Variants in PRTFDC1 observed in about 807,000 individuals in gnomAD.
PRTFDC1 encodes the protein phosphoribosyltransferase domain-containing protein 1.
PRTFDC1 carries 38 observed loss-of-function variants against 34.6 expected under a neutral mutation model. The ratio of observed to expected loss-of-function variants is 1.10; its 90% CI spans 0.85 to 1.44. PRTFDC1 has a LOEUF of 1.44. Among genes scored for constraint, PRTFDC1 ranks in the 40% most tolerant of loss-of-function variants. PRTFDC1 has a pLI of 0.00. For missense variants in PRTFDC1, 270 were observed against 283.0 expected (o/e 0.95, Z 0.33); for synonymous variants, 93 against 98.1 (o/e 0.95, Z 0.31).
intron 3 of PRTFDC1, among the ~76,000 whole-genome samples, chr10:24,929,191 A>G (rs1848934572): frequency 6.6e-6 from 1 of 152,128 alleles, no homozygotes; most frequent in South Asian, 2.1e-4. Flanking sequence ...TGGCTTATCC[A>G]TTCTGTTCCC....
chr10:24,878,268 AT>A, intron 3 of PRTFDC1, among the ~76,000 whole-genome samples: 1 of 147,580 alleles, frequency 6.8e-6, no homozygotes, highest in East Asian at 2.0e-4. Flanking sequence ...GCAAGACTGT[AT>A]TAAAAAAAAA....
intron 3 of PRTFDC1, among the ~76,000 whole-genome samples, chr10:24,915,305 G>C (rs1433746185): frequency 6.6e-6 from 1 of 152,106 alleles, no homozygotes; most frequent in Non-Finnish European, 1.5e-5. Flanking sequence ...CTGACATTTG[G>C]ACAGGGAAAT....
chr10:24,916,788 T>C (rs1312501013), intron 3 of PRTFDC1, among the ~76,000 whole-genome samples: 1 of 152,222 alleles, frequency 6.6e-6, no homozygotes, highest in Non-Finnish European at 1.5e-5. Context: ...ATTTCCTGTC[T>C]GTTTTACCTA....
intron 3 of PRTFDC1, among the ~76,000 whole-genome samples, chr10:24,884,229 C>T (rs1456567794): frequency 6.6e-6 from 1 of 151,296 alleles, no homozygotes; most frequent in Non-Finnish European, 1.5e-5. Context: ...TCAAAAGTAA[C>T]AACATCTTAA....
chr10:24,937,715 G>A (rs1849078018), intron 2 of PRTFDC1, among the ~76,000 whole-genome samples: 1 of 151,890 alleles, frequency 6.6e-6, no homozygotes, highest in Admixed American at 6.6e-5. Flanking sequence ...CTGCCACTAT[G>A]CTCAGCTAAT....
chr10:24,949,043 A>G (rs1849295914), intron 1 of PRTFDC1, among the ~76,000 whole-genome samples: 1 of 151,764 alleles, frequency 6.6e-6, no homozygotes, highest in South Asian at 2.1e-4. Context: ...AGCACACTAG[A>G]CCTCCCTTAC....
intron 3 of PRTFDC1, among the ~76,000 whole-genome samples, chr10:24,932,415 A>G (rs1848985924): frequency 6.6e-6 from 1 of 152,016 alleles, no homozygotes; most frequent in Non-Finnish European, 1.5e-5. Flanking sequence ...AAAAGAATCT[A>G]TGAAAAAGCT....
At chr10:24,937,031 G>C (rs1452118804) in intron 3 of PRTFDC1, among the ~76,000 whole-genome samples, 153 bp downstream of exon 3, 3 of 152,128 alleles carry the variant, frequency 2.0e-5, no homozygotes, top group Admixed American at 6.5e-5. Context: ...GAATTCTTAT[G>C]TTAGGTTGCC....
chr10:24,872,788 G>GTGTATATATATATA (rs1200742472), intron 3 of PRTFDC1, among the ~76,000 whole-genome samples: 14 of 83,214 alleles, frequency 1.7e-4, no homozygotes, highest in African/African-American at 5.8e-4. Context: ...GTGTGTGTGT[G>GTGTATATATATATA]TATATATATA....
chr10:24,921,247 T>G (rs1483579345), intron 3 of PRTFDC1, among the ~76,000 whole-genome samples: 1 of 152,172 alleles, frequency 6.6e-6, no homozygotes, highest in African/African-American at 2.4e-5. Flanking sequence ...ATCACACATT[T>G]TCATTTCTCA....
At position 24,952,500 on chromosome 10, in the gene PRTFDC1, A is replaced by T; in HGVS notation, c.48+28T>A. The T allele has an allele frequency of 6.4e-7, 1 of 1,572,434 alleles. No homozygotes were observed. Among genetic ancestry groups the T allele is most frequent in the African/African-American group, 1.3e-5 (1 of 74,322 alleles). ...GCCAGGGAGGGAGGGGAGCGGGCCG[A>T]GCCCCAAAATAGGGAGTTTGCATTT... On this transcript the variant is annotated intron_variant, in intron 1 of 8. Coordinates refer to ENST00000320152, the MANE Select transcript of PRTFDC1 (RefSeq NM_020200.7). This position sits in a 1 kb window ranked among gnomAD's most constrained non-coding sequence, Gnocchi z 5.1.
chr10:24,931,394 A>G (rs530669188), intron 3 of PRTFDC1, among the ~76,000 whole-genome samples: 8 of 152,082 alleles, frequency 5.3e-5, no homozygotes, highest in Non-Finnish European at 1.0e-4. Flanking sequence ...GCATAAATCA[A>G]TGAAACTGAA....
At chr10:24,914,580 A>G (rs1452945284) in intron 3 of PRTFDC1, among the ~76,000 whole-genome samples, 1 of 152,190 alleles carries the variant, frequency 6.6e-6, no homozygotes, top group Non-Finnish European at 1.5e-5. Flanking sequence ...GTGTGATATT[A>G]TCTTAACCTT....
intron 6 of PRTFDC1, 26 bp downstream of exon 6, chr10:24,856,887 C>G (rs1374540523): frequency 6.4e-7 from 1 of 1,570,170 alleles, no homozygotes; most frequent in African/African-American, 1.4e-5. Flanking sequence ...AACTAGAAAT[C>G]ACCATGCTAT....
chr10:24,922,740 G>A lies in PRTFDC1; in HGVS notation c.339+14444C>T, dbSNP rs1360995332. On this transcript the variant is annotated intron_variant, in intron 3 of 8. Transcript: ENST00000320152. ...TCCCAGCATGATTGATGCAGAAGAT[G>A]GGTGATTTCTGCATTTCCAACTGAG... Among the ~76,000 whole-genome samples, 3 of 152,188 alleles carry A rather than the reference G, an allele frequency of 2.0e-5. No homozygotes were observed. In the East Asian group the frequency reaches 5.8e-4, roughly 29 times the overall value.
intron 1 of PRTFDC1, among the ~76,000 whole-genome samples, chr10:24,951,015 C>T (rs933944915): frequency 6.6e-6 from 1 of 152,146 alleles, no homozygotes; most frequent in Non-Finnish European, 1.5e-5. Context: ...AGTCCCCCTC[C>T]CATCCATCAC....
chr10:24,901,196 C>T lies in PRTFDC1; in HGVS notation c.340-29133G>A, dbSNP rs201015221. Among the ~76,000 whole-genome samples, 10 of 152,274 alleles carry T rather than the reference C, an allele frequency of 6.6e-5. No homozygotes were observed. The East Asian group carries it at 1.7e-3, about 26-fold the overall frequency. ...GTTTCTCACATGGCCAGATCATGCTCTTGTTTCTTGTTTTTTGAATGGCAG... is the reference window on the plus strand; with the variant it reads ...GTTTCTCACATGGCCAGATCATGCTTTTGTTTCTTGTTTTTTGAATGGCAG... On this transcript the variant is annotated intron_variant, in intron 3 of 8. Coordinates refer to ENST00000320152, the MANE Select transcript of PRTFDC1 (RefSeq NM_020200.7).
chr10:24,851,537 T>G, intron 7 of PRTFDC1, 73 bp from the exon 8 acceptor site: 1 of 1,561,956 alleles, frequency 6.4e-7, no homozygotes, highest in Non-Finnish European at 8.6e-7. Flanking sequence ...CACCATATGC[T>G]GCTGTCGCCA....
intron 3 of PRTFDC1, among the ~76,000 whole-genome samples, chr10:24,891,095 C>T (rs12220543): frequency 0.043 from 6,562 of 152,232 alleles, 522 homozygotes; most frequent in East Asian, 0.32. Flanking sequence ...CATAAAAGGA[C>T]CCAATTTTGT....
Sources: allele counts gnomAD v4.1 joint callset (sites outside exome capture counted in the v4.1 genomes callset), GRCh38; gene constraint gnomAD v4.1.1; non-coding constraint Gnocchi (gnomAD v3.1); transcripts MANE v1.5; gene names NCBI Gene and HGNC (gene_info 2026-07-23, HGNC 2026-07-21).